Variants in ALMS1 observed in about 807,000 individuals in gnomAD.
ALMS1 encodes the protein centrosome-associated protein ALMS1.
In ALMS1, 271 loss-of-function variants were observed where a neutral mutation model predicts 352.2. The observed-to-expected ratio is 0.77, with a 90% CI of 0.70 to 0.85. The LOEUF (loss-of-function observed/expected upper bound fraction) is 0.85. Ranked by LOEUF, ALMS1 falls within the 40% of genes least tolerant of loss-of-function variation. ALMS1 has a pLI of 0.00. For missense variants in ALMS1, 5,445 were observed against 4,870.7 expected, an observed-to-expected ratio of 1.12 and a Z score of -3.51; for synonymous variants, 1,865 against 1,761.2, an observed-to-expected ratio of 1.06 and a Z score of -1.48.
intron 16 of ALMS1, among the ~76,000 whole-genome samples, chr2:73,583,861 C>G (rs1675252635): frequency 6.6e-6 from 1 of 152,142 alleles, no homozygotes; most frequent in Non-Finnish European, 1.5e-5. Context: ...ATACTAATAT[C>G]ACACTATTTT....
At chr2:73,512,720 G>A (rs1273934973) in intron 10 of ALMS1, among the ~76,000 whole-genome samples, 3 of 152,002 alleles carry the variant, frequency 2.0e-5, no homozygotes, top group Admixed American at 6.5e-5. Flanking sequence ...TTTGGTGGCC[G>A]GTGGCAGCCC....
At position 73,490,056 on chromosome 2, in the gene ALMS1, A is replaced by C; in HGVS notation, c.8097A>C (p.Ser2699=). Reference sequence around the variant, plus strand: ...CTAAAGAAGTGGATTTTCATTCTTCATCACAAATGCCGTCCCCAGAACCCA... The same window carrying C: ...CTAAAGAAGTGGATTTTCATTCTTCCTCACAAATGCCGTCCCCAGAACCCA... ...VPPKEVDFHS[S]SQMPSPEPMK... is the part of the protein sequence containing the mutation. The change falls in exon 10 of 23, where the codon TCA becomes TCC. Residue 2699 remains serine (S), a synonymous_variant. Coordinates refer to ENST00000613296, the MANE Select transcript of ALMS1 (RefSeq NM_001378454.1). The C allele has an allele frequency of 1.2e-6, 2 of 1,614,212 alleles. No homozygotes were observed. Among genetic ancestry groups the C allele is most frequent in the Non-Finnish European group, 1.7e-6 (2 of 1,180,032 alleles).
rs1467077913 is a variant in ALMS1 at position 73,559,489 on chromosome 2, G to A, written c.10384+347G>A. Among the ~76,000 whole-genome samples, 3 of 152,066 alleles carry A rather than the reference G, an allele frequency of 2.0e-5. No homozygotes were observed. In the East Asian group the frequency reaches 5.8e-4, roughly 29 times the overall value. ...CTTCCAGAAGACTATAGCAAAGATA[G>A]TGAGACCATCAATACAAACTTTTAA... On this transcript the variant is annotated intron_variant, in intron 15 of 22. Transcript: ENST00000613296.
chr2:73,447,407 A>ATG (rs1308183605), intron 7 of ALMS1, among the ~76,000 whole-genome samples: 1 of 152,040 alleles, frequency 6.6e-6, no homozygotes, highest in East Asian at 1.9e-4. Flanking sequence ...TTAAATATAT[A>ATG]TATATTATAC....
At chr2:73,439,051 C>T (rs1037743075) in intron 7 of ALMS1, among the ~76,000 whole-genome samples, 53 of 149,842 alleles carry the variant, frequency 3.5e-4, no homozygotes, top group African/African-American at 1.2e-3. Flanking sequence ...CTTCTTCTTC[C>T]TCCTGCTCCT....
chr2:73,395,076 A>ATTTTTTTTTTTTTTTT (rs1343952124), intron 1 of ALMS1, among the ~76,000 whole-genome samples: 1 of 108,298 alleles, frequency 9.2e-6, no homozygotes, highest in African/African-American at 4.4e-5. Flanking sequence ...ATATATATAT[A>ATTTTTTTTTTTTTTTT]TATTTTTTTT....
At chr2:73,385,804 G>A, upstream of ALMS1, 1 of 667,256 alleles carries the variant, frequency 1.5e-6, no homozygotes, top group Non-Finnish European at 2.7e-6. Flanking sequence ...GCCAGTCAGG[G>A]CTCTCCCCTT....
At chr2:73,439,778 A>G (rs1183369058) in intron 7 of ALMS1, among the ~76,000 whole-genome samples, 1 of 151,962 alleles carries the variant, frequency 6.6e-6, no homozygotes, top group Non-Finnish European at 1.5e-5. Context: ...TGACCTTGTG[A>G]TCCACCCGCC....
Position 73,519,977 on chromosome 2 carries a change from T to C in ALMS1, c.9742T>C (p.Ser3248Pro), listed in dbSNP as rs776046258. 1 of 1,614,128 alleles carries C rather than the reference T, an allele frequency of 6.2e-7. No homozygotes were observed. Among genetic ancestry groups the C allele is most frequent in the Non-Finnish European group, 8.5e-7 (1 of 1,179,964 alleles). ...AGCTCCTGTCAAGTTTGCCTCATCATCTTCAGTCCAACAGGTTACTTTTTC... is the reference window on the plus strand; with the variant it reads ...AGCTCCTGTCAAGTTTGCCTCATCACCTTCAGTCCAACAGGTTACTTTTTC... ...RKAPVKFASSSSVQQVTFSRG... is the reference protein window; with the variant it reads ...RKAPVKFASSPSVQQVTFSRG... The change falls in exon 11 of 23, where the codon TCT becomes CCT. Residue 3248 changes from serine to proline, a missense_variant. Physicochemically the swap from Ser to Pro is moderately conservative, Grantham distance 74 (BLOSUM62 -1). Coordinates refer to ENST00000613296, the MANE Select transcript of ALMS1 (RefSeq NM_001378454.1).
chr2:73,474,411 C>CTGTGTCTGTG (rs10526164), intron 9 of ALMS1, among the ~76,000 whole-genome samples: 7,657 of 148,406 alleles, frequency 0.052, 447 homozygotes, highest in African/African-American at 0.13. Flanking sequence ...GTGTGTGTGT[C>CTGTGTCTGTG]TATTGGTTTA....
intron 13 of ALMS1, among the ~76,000 whole-genome samples, chr2:73,552,568 T>G (rs1199697537): frequency 6.6e-6 from 1 of 152,214 alleles, no homozygotes; most frequent in Non-Finnish European, 1.5e-5. Flanking sequence ...GTAAGGATGA[T>G]ACATTTGAAA....
intron 16 of ALMS1, among the ~76,000 whole-genome samples, chr2:73,584,751 C>T (rs1198979548): frequency 6.6e-6 from 1 of 152,174 alleles, no homozygotes; most frequent in Admixed American, 6.5e-5. Context: ...ATACACTGCA[C>T]CTAATGTGTA....
chr2:73,580,192 C>T (rs549243973), intron 16 of ALMS1, among the ~76,000 whole-genome samples: 6 of 152,300 alleles, frequency 3.9e-5, no homozygotes, highest in East Asian at 1.9e-4. Context: ...ATCTTTCTGC[C>T]TCAGCTTTCC....
At chr2:73,564,998 A>G (rs1173540932) in intron 15 of ALMS1, among the ~76,000 whole-genome samples, 3 of 152,242 alleles carry the variant, frequency 2.0e-5, no homozygotes, top group Admixed American at 1.3e-4. Flanking sequence ...GAATTTAACA[A>G]TGGCAGTAGG....
At chr2:73,573,672 A>C (rs571291869) in intron 16 of ALMS1, 1 of 622,014 alleles carries the variant, frequency 1.6e-6, no homozygotes, top group African/African-American at 1.8e-5. Context: ...ACAGTCTGCA[A>C]AGTTTACCCC....
chr2:73,568,659 G>A (rs970620996), intron 15 of ALMS1, among the ~76,000 whole-genome samples: 5 of 152,106 alleles, frequency 3.3e-5, no homozygotes, highest in African/African-American at 7.2e-5. Flanking sequence ...AGAGATAACC[G>A]GGAGAACTTT....
At chr2:73,581,860 T>C (rs570352746) in intron 16 of ALMS1, among the ~76,000 whole-genome samples, 1 of 152,172 alleles carries the variant, frequency 6.6e-6, no homozygotes, top group Non-Finnish European at 1.5e-5. Flanking sequence ...TTCTTCTGCC[T>C]CAGCCTACCG....
intron 10 of ALMS1, among the ~76,000 whole-genome samples, chr2:73,507,328 G>A (rs1021256191): frequency 2.0e-5 from 3 of 152,130 alleles, no homozygotes; most frequent in African/African-American, 7.2e-5. Context: ...TTTTTCTATT[G>A]TTTGGAATAG....
chr2:73,490,842 G>A lies in ALMS1; in HGVS notation c.8883G>A (p.Pro2961=), dbSNP rs367862140. Residue 2961 remains proline (P), a synonymous_variant, in exon 10 of 23, where the codon CCG becomes CCA. Coordinates refer to ENST00000613296, the MANE Select transcript of ALMS1 (RefSeq NM_001378454.1). ...AGGATTCTATAGCTTCAGACCTTCC[G>A]TCTCCCATTTCTCTTGAACAATGCC... ...QGQDSIASDL[P]SPISLEQCQS... 46 of 1,613,624 alleles carry A rather than the reference G, an allele frequency of 2.9e-5. No individual in the cohort carries two copies. Among genetic ancestry groups the A allele is most frequent in the African/African-American group, 1.7e-4 (13 of 74,838 alleles).
Sources: allele counts gnomAD v4.1 joint callset (sites outside exome capture counted in the v4.1 genomes callset), GRCh38; gene constraint gnomAD v4.1.1; transcripts MANE v1.5; gene names NCBI Gene and HGNC (gene_info 2026-07-23, HGNC 2026-07-21).